The following RMDN1 variants were observed in gnomAD, a reference collection of about 807,000 sequenced individuals.
RMDN1 encodes the protein regulator of microtubule dynamics protein 1.
Under a neutral mutation model 48.9 loss-of-function variants are expected in RMDN1, and 48 were observed. The ratio of observed to expected loss-of-function variants is 0.98; its 90% confidence interval spans 0.78 to 1.25. RMDN1 has a LOEUF of 1.25. RMDN1 is among the 50% of genes most tolerant of loss of function. RMDN1 has a pLI of 0.00. For synonymous variants in RMDN1, 148 were observed against 132.6 expected, an observed-to-expected ratio of 1.12 and a Z score of -0.80; for missense variants, 418 against 373.4, an observed-to-expected ratio of 1.12 and a Z score of -0.98.
At chr8:86,507,163 C>T (rs1475785477) in intron 1 of RMDN1, 51 bp from the exon 2 acceptor site, 1 of 1,123,794 alleles carries the variant, frequency 8.9e-7, no homozygotes, top group Admixed American at 2.0e-5. Context: ...TTTGAAGGTA[C>T]TGCTACCCCA....
chr8:86,499,810 C>T (rs1817924411), intron 2 of RMDN1, among the ~76,000 whole-genome samples: 1 of 152,064 alleles, frequency 6.6e-6, no homozygotes, highest in Admixed American at 6.6e-5. Context: ...GACAGTAACC[C>T]AAACGGCATT....
intron 2 of RMDN1, among the ~76,000 whole-genome samples, chr8:86,489,754 C>T (rs866467478): frequency 8.1e-5 from 12 of 148,172 alleles, no homozygotes; most frequent in Non-Finnish European, 1.5e-4. Flanking sequence ...CGCTTGAACC[C>T]GGGAAGCAGA....
rs1819497287 is a variant in RMDN1 at position 86,507,104 on chromosome 8, T to C, written c.138A>G (p.Gly46=). 3.8e-6 allele frequency: 6 copies of C among 1,590,794 alleles called. No individual in the cohort carries two copies. The highest frequency in any genetic ancestry group is 2.2e-5 in the South Asian group (2 of 90,592). The change falls in exon 2 of 10, where the codon GGA becomes GGG. Residue 46 remains glycine (G), a synonymous_variant. Coordinates refer to ENST00000406452, the MANE Select transcript of RMDN1 (RefSeq NM_016033.3). ...GGCCTCTTTTGAAAGTTCCTGGGTT[T>C]CCCATTACCTATGGAAACAATTATG... ...PCRFRGFEVM[G]NPGTFKRGLL...
upstream of RMDN1, among the ~76,000 whole-genome samples, chr8:86,512,030 CA>C (rs1820071808): frequency 6.6e-6 from 1 of 152,020 alleles, no homozygotes; most frequent in Non-Finnish European, 1.5e-5. Context: ...AACATGAATT[CA>C]ACACATGTTA....
In RMDN1 at chr8:86,473,198, T is replaced by C. The variant is rs1013416483; in HGVS notation, c.*1110A>G. 3 of 982,660 alleles carry C rather than the reference T, an allele frequency of 3.1e-6. No homozygotes were observed. The highest frequency in any genetic ancestry group is 3.7e-5 in the African/African-American group (2 of 54,758). The allele number at this position is 982,660 out of a possible 1,614,324, so 60.9% of individuals were successfully genotyped here. On this transcript the variant is annotated 3_prime_UTR_variant, in exon 10 of 10. Transcript: ENST00000406452. ...ATGACAAACATATCCATACAGTTCA[T>C]TGTAACATTACAATTCCCAAATCCT...
upstream of RMDN1, chr8:86,508,830 A>C (rs1819870978): frequency 6.3e-6 from 8 of 1,270,664 alleles, no homozygotes; most frequent in Non-Finnish European, 7.9e-6. Context: ...GGTGGGACTT[A>C]ATGGACTTTC....
chr8:86,475,427 T>C (rs1049486440), intron 8 of RMDN1, among the ~76,000 whole-genome samples: 1 of 152,142 alleles, frequency 6.6e-6, no homozygotes, highest in Non-Finnish European at 1.5e-5. Flanking sequence ...ATGTCAGCTA[T>C]ACTTAAACAT....
intron 2 of RMDN1, chr8:86,504,582 C>T (rs1001125871): frequency 9.0e-7 from 1 of 1,107,088 alleles, no homozygotes; most frequent in Admixed American, 1.7e-5. Flanking sequence ...GAAGGCGGAC[C>T]CTGCATATGA....
At position 86,480,291 on chromosome 8, in the gene RMDN1, G is replaced by A. The variant is rs1420462339; in HGVS notation, c.627C>T (p.His209=). Residue 209 remains histidine (H), a synonymous_variant, in exon 6 of 10, where the codon CAC becomes CAT. Transcript: ENST00000406452. Reference sequence around the variant, plus strand: ...AATTTTCTTACCAAATACCCATAAGGTGAATTGAAGTAGCATCTTTAGGGT... The same window carrying A: ...AATTTTCTTACCAAATACCCATAAGATGAATTGAAGTAGCATCTTTAGGGT... The part of the protein sequence containing the change: ...ELNPKDATSI[H]LMGIWCYTFA... 2 of 1,535,110 alleles carry A rather than the reference G, an allele frequency of 1.3e-6. No homozygotes were observed. The highest frequency in any genetic ancestry group is 1.2e-5 in the South Asian group (1 of 81,550).
At chr8:86,481,805 G>T in intron 5 of RMDN1, 3 of 1,087,854 alleles carry the variant, frequency 2.8e-6, no homozygotes, top group Non-Finnish European at 3.7e-6. Context: ...CATTTTTTTT[G>T]TAGAGTAGGG....
chr8:86,469,390 G>C (rs1171437812), downstream of RMDN1, among the ~76,000 whole-genome samples: 2 of 152,162 alleles, frequency 1.3e-5, no homozygotes, highest in Non-Finnish European at 2.9e-5. Flanking sequence ...GAAATCTCCA[G>C]ATACACGACA....
intron 2 of RMDN1, among the ~76,000 whole-genome samples, chr8:86,492,688 T>TAAA (rs869151498): frequency 7.6e-5 from 10 of 131,814 alleles, no homozygotes; most frequent in South Asian, 2.5e-4. Context: ...ATAATAATAA[T>TAAA]AAAGAGATAA....
At chr8:86,503,390 C>CAAAAAAAAAAA (rs1405705068) in intron 2 of RMDN1, among the ~76,000 whole-genome samples, 4 of 56,582 alleles carry the variant, frequency 7.1e-5, no homozygotes, top group Non-Finnish European at 1.4e-4. Flanking sequence ...AAAAAAAAAA[C>CAAAAAAAAAAA]AAAAAAAAAT....
chr8:86,493,475 C>A (rs1053163355), intron 2 of RMDN1, among the ~76,000 whole-genome samples: 5 of 152,118 alleles, frequency 3.3e-5, no homozygotes, highest in African/African-American at 1.2e-4. Context: ...CACACATACA[C>A]AAATGGAGTA....
rs146595616 is a variant in RMDN1, at chr8:86,508,604, C to T, written c.17G>A (p.Arg6Gln). 2 of 1,603,366 alleles carry T rather than the reference C, an allele frequency of 1.2e-6. No individual in the cohort carries two copies. Among genetic ancestry groups the T allele is most frequent in the African/African-American group, 2.7e-5 (2 of 74,686 alleles). The change falls in exon 1 of 10, where the codon CGA (arginine) becomes CAA (glutamine). Residue 6 changes from arginine (R) to glutamine (Q), a missense_variant. Arg to Gln is a conservative substitution (Grantham distance 43). Coordinates refer to ENST00000406452, the MANE Select transcript of RMDN1 (RefSeq NM_016033.3). ...TCGGAAAGGCAGAAGGCGCCACAGT[C>T]GAGCAGCCAGCGCCATGACCTGCAA... Reference protein sequence around the residue: MALAARLWRLLPFRRG... With the variant: MALAAQLWRLLPFRRG...
chr8:86,470,162 A>G (rs1812417173), downstream of RMDN1: 1 of 1,286,978 alleles, frequency 7.8e-7, no homozygotes, highest in Non-Finnish European at 1.0e-6. Context: ...TCTATAATGG[A>G]GAGATATAGC....
At position 86,504,281 on chromosome 8, in the gene RMDN1, A is replaced by G; in HGVS notation, c.247+2714T>C. 48 of 1,574,246 alleles carry G rather than the reference A, an allele frequency of 3.0e-5. No homozygotes were observed. In the South Asian group the frequency reaches 5.3e-4, roughly 17 times the overall value. ...ATCCTCCAGCAGTTGTGGGGCACCC[A>G]GGATGTATCCCAAGACAACCAGGAG... is the stretch of plus-strand genomic sequence containing the variant. On this transcript the variant is annotated intron_variant, in intron 2 of 9. Coordinates refer to ENST00000406452, the MANE Select transcript of RMDN1 (RefSeq NM_016033.3).
chr8:86,503,371 CAAAAAAAAAAAAAA>C (rs1182231210), intron 2 of RMDN1, among the ~76,000 whole-genome samples: 3,155 of 68,042 alleles, frequency 0.046, 114 homozygotes, highest in Middle Eastern at 0.11. Context: ...CAAAACAAAA[CAAAAAAAAAAAAAA>C]AAAACAAAAA....
intron 2 of RMDN1, among the ~76,000 whole-genome samples, chr8:86,506,409 T>C (rs1819366668): frequency 6.6e-6 from 1 of 152,224 alleles, no homozygotes; most frequent in Non-Finnish European, 1.5e-5. Context: ...TCTGTTACCA[T>C]GTCACTGTGG....
Sources: gnomAD v4.1 joint callset for allele counts (sites outside exome capture counted in the v4.1 genomes callset) on GRCh38, gnomAD v4.1.1 for gene constraint, MANE v1.5 for transcripts, NCBI Gene and HGNC (gene_info 2026-07-23, HGNC 2026-07-21) for gene names.